Variants in OSBPL10 observed in about 807,000 individuals in gnomAD.
OSBPL10 encodes oxysterol binding protein like 10.
In OSBPL10, 49 loss-of-function variants were observed where a neutral mutation model predicts 81.7. The observed-to-expected ratio is 0.60, with a 90% confidence interval of 0.48 to 0.76. The LOEUF (loss-of-function observed/expected upper bound fraction) is 0.76. Ranked by LOEUF, OSBPL10 falls within the 30% of genes least tolerant of loss-of-function variation. The probability of loss-of-function intolerance (pLI) is 0.00; values close to 1 mark genes in which losing one functional copy is unlikely to be tolerated. For synonymous variants in OSBPL10, 419 were observed against 383.6 expected (o/e 1.09, Z -1.08); for missense variants, 923 against 987.8 (o/e 0.93, Z 0.88).
intron 4 of OSBPL10, among the ~76,000 whole-genome samples, chr3:31,750,228 C>T (rs560471514): frequency 1.1e-3 from 166 of 152,158 alleles, no homozygotes; most frequent in Admixed American, 3.7e-3. Context: ...ATCCCAGGCA[C>T]ACCTATCTTC....
At chr3:31,895,600 T>G (rs934756935) in intron 1 of OSBPL10, among the ~76,000 whole-genome samples, 3 of 152,170 alleles carry the variant, frequency 2.0e-5, no homozygotes, top group Admixed American at 6.5e-5. Flanking sequence ...TTTATGTAAC[T>G]CCATTACTCA....
chr3:31,670,287 A>G (rs1700290342), intron 9 of OSBPL10, among the ~76,000 whole-genome samples: 1 of 152,266 alleles, frequency 6.6e-6, no homozygotes, highest in South Asian at 2.1e-4. Context: ...TATTTTTTAT[A>G]GCTGCAGCAA....
In OSBPL10 at chr3:31,922,682, T is replaced by G. The variant is rs573968464; in HGVS notation, c.282-42852A>C. ...CAATAATAAAGTCTATTAATTTTTT[T>G]TAAAAAACTGGAAGGAAAGAGAAGA... On this transcript the variant is annotated intron_variant, in intron 1 of 11. Transcript: ENST00000396556. 2.2e-4 allele frequency among the ~76,000 whole-genome samples: 34 copies of G among 152,250 alleles called. 3 individuals are homozygous for G. Among genetic ancestry groups the G allele is most frequent in the African/African-American group, 8.2e-4 (34 of 41,546 alleles).
At chr3:32,041,911 C>T (rs1392402666) in intron 2 of OSBPL10, among the ~76,000 whole-genome samples, 2 of 152,134 alleles carry the variant, frequency 1.3e-5, no homozygotes, top group Admixed American at 6.5e-5. Flanking sequence ...CTGCCTGCCT[C>T]AACCTCCCAA....
At chr3:31,745,479 C>T (rs11720502) in intron 5 of OSBPL10, among the ~76,000 whole-genome samples, 56,946 of 152,048 alleles carry the variant, frequency 0.37, 13,207 homozygotes, top group East Asian at 0.77. Flanking sequence ...CAACTTAAGT[C>T]TGAAATTATT....
chr3:31,810,471 A>G (rs1203252178), intron 4 of OSBPL10, among the ~76,000 whole-genome samples: 3 of 144,140 alleles, frequency 2.1e-5, no homozygotes, highest in African/African-American at 7.9e-5. Flanking sequence ...AAAGATTGAC[A>G]CTTTGACTAT....
At chr3:31,797,630 C>T (rs113118026) in intron 4 of OSBPL10, 85 of 327,534 alleles carry the variant, frequency 2.6e-4, no homozygotes, top group African/African-American at 1.8e-3. Context: ...TTCTGTGAAC[C>T]CTGCAAAAGG....
intron 3 of OSBPL10, among the ~76,000 whole-genome samples, chr3:31,856,526 T>A (rs1450179463): frequency 6.6e-6 from 1 of 151,666 alleles, no homozygotes; most frequent in Non-Finnish European, 1.5e-5. Context: ...ACTAAGGGAG[T>A]TTATCCAGCC....
At chr3:32,025,255 C>G (rs2125547909) in intron 2 of OSBPL10, among the ~76,000 whole-genome samples, 1 of 152,266 alleles carries the variant, frequency 6.6e-6, no homozygotes, top group Non-Finnish European at 1.5e-5. Context: ...ATGATCATAT[C>G]AGTTTTGACT....
chr3:31,678,347 G>C (rs1700542089), intron 8 of OSBPL10, among the ~76,000 whole-genome samples: 1 of 152,184 alleles, frequency 6.6e-6, no homozygotes. Flanking sequence ...GTAGAGGGAA[G>C]AAGGGAAAGA....
intron 7 of OSBPL10, among the ~76,000 whole-genome samples, chr3:31,698,835 C>T (rs1695806743): frequency 1.3e-5 from 2 of 152,242 alleles, no homozygotes; most frequent in East Asian, 1.9e-4. Flanking sequence ...CGTCCCACCA[C>T]TAGCTACCCT....
In OSBPL10 at chr3:31,998,583, C is replaced by T. The variant is rs371045970; in HGVS notation, n.298+47908G>A. ...CAAATTCCAGTTTCCTTATCTGTCC[C>T]TTTCATTGGATCTTTTTCAAATAAT... is the stretch of plus-strand genomic sequence containing the variant. On this transcript the variant is annotated intron_variant and non_coding_transcript_variant, in intron 2 of 3. Coordinates refer to the OSBPL10 transcript ENST00000479173. 3.9e-5 allele frequency among the ~76,000 whole-genome samples: 6 copies of T among 152,178 alleles called. No individual in the cohort carries two copies. The East Asian group carries it at 9.6e-4, about 24-fold the overall frequency.
At chr3:32,021,027 G>A (rs932209499) in intron 2 of OSBPL10, among the ~76,000 whole-genome samples, 2 of 152,174 alleles carry the variant, frequency 1.3e-5, no homozygotes, top group African/African-American at 4.8e-5. Flanking sequence ...ACTTTCCTGT[G>A]TGTACGTGCT....
intron 4 of OSBPL10, among the ~76,000 whole-genome samples, chr3:31,811,273 A>C (rs1219347626): frequency 6.6e-6 from 1 of 152,006 alleles, no homozygotes; most frequent in African/African-American, 2.4e-5. Flanking sequence ...TCACAAGAAG[A>C]CCTCAGCAGA....
intron 1 of OSBPL10, among the ~76,000 whole-genome samples, chr3:31,958,093 C>T (rs1698061235): frequency 6.6e-6 from 1 of 152,078 alleles, no homozygotes; most frequent in South Asian, 2.1e-4. Flanking sequence ...TAGCCATTTG[C>T]AAGGAGGGGT....
intron 1 of OSBPL10, among the ~76,000 whole-genome samples, chr3:31,881,563 A>G (rs1034622389): frequency 6.6e-6 from 1 of 152,246 alleles, no homozygotes; most frequent in African/African-American, 2.4e-5. Context: ...GAACAGGAAA[A>G]GAGAACAGCA....
At chr3:31,723,943 G>A (rs979937178) in intron 6 of OSBPL10, among the ~76,000 whole-genome samples, 4 of 152,086 alleles carry the variant, frequency 2.6e-5, no homozygotes, top group African/African-American at 9.7e-5. Context: ...CATTTATACT[G>A]GTATAATTTC....
At chr3:32,005,936 T>C (rs1329676786) in intron 2 of OSBPL10, among the ~76,000 whole-genome samples, 1 of 151,716 alleles carries the variant, frequency 6.6e-6, no homozygotes, top group African/African-American at 2.4e-5. Flanking sequence ...TTTATTTATT[T>C]TATTTTTTAT....
At chr3:31,689,257 G>A (rs1356550020) in intron 7 of OSBPL10, among the ~76,000 whole-genome samples, 3 of 152,134 alleles carry the variant, frequency 2.0e-5, no homozygotes, top group Non-Finnish European at 4.4e-5. Context: ...AAGGAGACTA[G>A]AGACATCATA....
Sources: allele counts gnomAD v4.1 joint callset (sites outside exome capture counted in the v4.1 genomes callset), GRCh38; gene constraint gnomAD v4.1.1; transcripts MANE v1.5; gene names NCBI Gene and HGNC (gene_info 2026-07-23, HGNC 2026-07-21).